The following ANAPC1 variants were observed in gnomAD, a reference collection of about 807,000 sequenced individuals.
ANAPC1 encodes the protein anaphase promoting complex subunit 1.
In ANAPC1, 36 loss-of-function variants were observed where a neutral mutation model predicts 208.0. The ratio of observed to expected loss-of-function variants is 0.17; its 90% CI spans 0.13 to 0.23. The LOEUF (loss-of-function observed/expected upper bound fraction) is 0.23. ANAPC1 is among the 10% of genes least tolerant of loss of function. The probability of loss-of-function intolerance (pLI) is 1.00; values close to 1 mark genes in which losing one functional copy is unlikely to be tolerated. For missense variants in ANAPC1, 942 were observed against 2,011.6 expected, an observed-to-expected ratio of 0.47 and a Z score of 10.17; for synonymous variants, 378 against 695.2, an observed-to-expected ratio of 0.54 and a Z score of 7.18.
At chr2:111,853,946 G>A (rs1226471062) in intron 13 of ANAPC1, among the ~76,000 whole-genome samples, 1 of 152,084 alleles carries the variant, frequency 6.6e-6, no homozygotes, top group African/African-American at 2.4e-5. Flanking sequence ...TCGATCTCCT[G>A]ACCTCATGAT....
chr2:111,799,956 G>C (rs1490004867), intron 34 of ANAPC1, among the ~76,000 whole-genome samples: 2 of 104,444 alleles, frequency 1.9e-5, no homozygotes, highest in Non-Finnish European at 4.2e-5. Flanking sequence ...TTATCCAATA[G>C]GGTACTTAAC....
At chr2:111,770,909 T>G (rs1676701435) in intron 47 of ANAPC1, among the ~76,000 whole-genome samples, 1 of 151,886 alleles carries the variant, frequency 6.6e-6, no homozygotes, top group African/African-American at 2.4e-5. Flanking sequence ...ATTATCTGTT[T>G]TTTTATTATT....
At chr2:111,792,160 A>G (rs888666555) in intron 38 of ANAPC1, among the ~76,000 whole-genome samples, 1 of 150,658 alleles carries the variant, frequency 6.6e-6, no homozygotes, top group African/African-American at 2.5e-5. Flanking sequence ...TCAGTGTGTC[A>G]GAGAGGATGG....
At chr2:111,817,425 T>C (rs1679297067) in intron 27 of ANAPC1, among the ~76,000 whole-genome samples, 1 of 152,106 alleles carries the variant, frequency 6.6e-6, no homozygotes, top group East Asian at 1.9e-4. Context: ...ACTACTAAAA[T>C]GAACATCTAT....
intron 6 of ANAPC1, among the ~76,000 whole-genome samples, chr2:111,868,643 G>T (rs1252438576): frequency 3.3e-5 from 5 of 152,148 alleles, no homozygotes; most frequent in Non-Finnish European, 7.3e-5. Context: ...CGATTCTCCT[G>T]TATCAACCTC....
rs1486973453 is a variant in ANAPC1 at position 111,866,891 on chromosome 2, T to C, written c.685+1132A>G. On this transcript the variant is annotated intron_variant, in intron 7 of 47. Transcript: ENST00000341068. ...TCTGCAATTAGTAACAACATAAAAT[T>C]TGAACTTTTTCTGTAAAAGATCAAA... 2.0e-5 allele frequency among the ~76,000 whole-genome samples: 3 copies of C among 151,890 alleles called. No homozygotes were observed. The East Asian group carries it at 5.8e-4, about 29-fold the overall frequency.
chr2:111,769,629 T>A (rs1275993155), intron 47 of ANAPC1, among the ~76,000 whole-genome samples: 4 of 151,620 alleles, frequency 2.6e-5, no homozygotes, highest in Non-Finnish European at 5.9e-5. Context: ...GTGTTTTGGA[T>A]TCTGGATTTT....
chr2:111,882,370 C>T (rs537807958), intron 1 of ANAPC1, among the ~76,000 whole-genome samples: 1 of 152,266 alleles, frequency 6.6e-6, no homozygotes, highest in East Asian at 1.9e-4. Flanking sequence ...GTTACACAAA[C>T]AGCCAAAGCC....
chr2:111,882,736 T>TC (rs199995826), intron 1 of ANAPC1, among the ~76,000 whole-genome samples: 1,947 of 137,538 alleles, frequency 0.014, 32 homozygotes, highest in Middle Eastern at 0.061. Context: ...AAACTCCGTC[T>TC]CAAAAAAAAA....
At chr2:111,809,877 A>C (rs1678879581) in intron 28 of ANAPC1, among the ~76,000 whole-genome samples, 1 of 149,516 alleles carries the variant, frequency 6.7e-6, no homozygotes, top group Admixed American at 6.7e-5. Context: ...AACAGTTTAC[A>C]GTTCCTCAAA....
chr2:111,832,937 C>CAAAAAAAAA lies in ANAPC1; in HGVS notation c.2476+274_2476+282dup, dbSNP rs908553180. On this transcript the variant is annotated intron_variant, in intron 20 of 47. Transcript: ENST00000341068. Reference sequence around the variant, plus strand: ...TGGGTGACAGAGCGAGACTCAGTCTCAAAAAAAAAAAAAAAAAAAGCATCC... The same window carrying CAAAAAAAAA: ...TGGGTGACAGAGCGAGACTCAGTCTCAAAAAAAAAAAAAAAAAAAAAAAAAAAAGCATCC... Among the ~76,000 whole-genome samples the CAAAAAAAAA allele has an allele frequency of 3.7e-3, 199 of 53,596 alleles. 22 individuals carry two copies. The highest frequency in any genetic ancestry group is 0.01 in the African/African-American group (158 of 15,576). 35.2% of individuals were successfully genotyped at this position (53,596 alleles called of 152,430 possible). A position where few individuals can be genotyped will look rare whatever the true frequency, so the allele number is the denominator to read the frequency against.
At chr2:111,883,021 C>T (rs1683395761) in intron 1 of ANAPC1, among the ~76,000 whole-genome samples, 1 of 150,660 alleles carries the variant, frequency 6.6e-6, no homozygotes. Flanking sequence ...CAAAAATTAG[C>T]CAGACAGTGA....
intron 20 of ANAPC1, among the ~76,000 whole-genome samples, chr2:111,832,218 G>C (rs866636891): frequency 6.7e-6 from 1 of 150,348 alleles, no homozygotes; most frequent in Non-Finnish European, 1.5e-5. Flanking sequence ...CAGGAGAATC[G>C]CTTGAGCCTG....
intron 34 of ANAPC1, among the ~76,000 whole-genome samples, chr2:111,796,147 C>T (rs987798977): frequency 1.3e-5 from 2 of 151,920 alleles, no homozygotes; most frequent in African/African-American, 2.4e-5. Flanking sequence ...ATCACTTGAG[C>T]CCGCTAAGTG....
In ANAPC1 at chr2:111,862,207, G is replaced by C. The variant is rs534099218; in HGVS notation, c.1262+182C>G. The stretch of plus-strand genomic sequence containing the variant: ...GCATGAACCACCACGTCCAGCCTAT[G>C]ATCACTTTAATATCATTAATATCCT... On this transcript the variant is annotated intron_variant, in intron 10 of 47. Transcript: ENST00000341068. Among the ~76,000 whole-genome samples the C allele has an allele frequency of 1.7e-3, 259 of 152,200 alleles. 2 individuals are homozygous for C. Among genetic ancestry groups the C allele is most frequent in the South Asian group, 7.5e-3 (36 of 4,820 alleles).
chr2:111,794,245 T>G lies in ANAPC1; in HGVS notation c.4452A>C (p.Ala1484=). ...FRFAGSENLS[A]FNCLHKFAKD... ...AAATACTTCTTACCAAACAGTTAAA[T>G]GCTGATAAGTTTTCTGAGCCAGCAA... is the stretch of plus-strand genomic sequence containing the variant. The change falls in exon 36 of 48, where the codon GCA becomes GCC. Residue 1484 remains alanine, a synonymous_variant. Transcript: ENST00000341068. The G allele has an allele frequency of 6.2e-7, 1 of 1,612,100 alleles. No individual in the cohort carries two copies. The highest frequency in any genetic ancestry group is 8.5e-7 in the Non-Finnish European group (1 of 1,179,238).
chr2:111,831,935 G>A (rs1329244578), intron 20 of ANAPC1, among the ~76,000 whole-genome samples: 2 of 147,356 alleles, frequency 1.4e-5, no homozygotes, highest in East Asian at 4.0e-4. Context: ...GAATTTAAAT[G>A]ACTTCTATTT....
At chr2:111,806,670 A>C (rs1241639344) in intron 29 of ANAPC1, among the ~76,000 whole-genome samples, 11 of 141,062 alleles carry the variant, frequency 7.8e-5, no homozygotes, top group Non-Finnish European at 1.5e-4. Context: ...TATTATGTTT[A>C]GACATTTATT....
chr2:111,846,010 G>A (rs1351659398), intron 16 of ANAPC1, among the ~76,000 whole-genome samples: 2 of 150,694 alleles, frequency 1.3e-5, no homozygotes, highest in East Asian at 3.9e-4. Flanking sequence ...CTTTTAGAAG[G>A]CAAGGAATCT....
Sources: allele counts gnomAD v4.1 joint callset (sites outside exome capture counted in the v4.1 genomes callset), GRCh38; gene constraint gnomAD v4.1.1; transcripts MANE v1.5; gene names NCBI Gene and HGNC (gene_info 2026-07-23, HGNC 2026-07-21).